The following EZH1 variants were observed in gnomAD, a reference collection of about 807,000 sequenced individuals.
The protein encoded by EZH1 is enhancer of zeste 1 polycomb repressive complex 2 subunit, also known as histone-lysine N-methyltransferase EZH1.
EZH1 carries 33 observed loss-of-function variants against 100.5 expected under a neutral mutation model. That is an observed-to-expected ratio of 0.33 (90% CI 0.25 to 0.44). The LOEUF is 0.44. Among genes scored for constraint, EZH1 ranks in the 20% least tolerant of loss-of-function variants. The probability of loss-of-function intolerance (pLI) is 1.00; values close to 1 mark genes in which losing one functional copy is unlikely to be tolerated. For missense variants in EZH1, 475 were observed against 928.4 expected (o/e 0.51, Z 6.35); for synonymous variants, 272 against 313.8 (o/e 0.87, Z 1.41).
At position 42,720,382 on chromosome 17, in the gene EZH1, C is replaced by G; in HGVS notation, c.555G>C (p.Gln185His). ...GCCCTTCCTCCTCCTCATCTGAGTA[C>G]TGATTCAGGGCATCGACCAACTCCA... ...VFLELVDALN[Q>H]YSDEEEEGHN... The change falls in exon 7 of 21, where the codon CAG becomes CAC. Residue 185 changes from glutamine (Q) to histidine (H), a missense_variant. By Grantham distance (24) the Gln-to-His change is conservative. Transcript: ENST00000428826. 6.2e-7 allele frequency: 1 copy of G among 1,614,106 alleles called. No homozygotes were observed. Among genetic ancestry groups the G allele is most frequent in the Non-Finnish European group, 8.5e-7 (1 of 1,180,018 alleles).
intron 7 of EZH1, 136 bp from the exon 8 acceptor site, chr17:42,719,343 T>C: frequency 1.5e-6 from 1 of 675,538 alleles, no homozygotes; most frequent in South Asian, 1.7e-5. Flanking sequence ...TGTTTGGAGA[T>C]ATATAAACAT....
At chr17:42,727,257 CT>C (rs563463128) in intron 4 of EZH1, among the ~76,000 whole-genome samples, 1 of 151,908 alleles carries the variant, frequency 6.6e-6, no homozygotes, top group Non-Finnish European at 1.5e-5. Context: ...CCTTTCTTTC[CT>C]TTTTCTTTTT....
rs139077313 is a variant in EZH1 at position 42,724,760 on chromosome 17, C to T, written c.247-336G>A. 222 of 167,232 alleles carry T rather than the reference C, an allele frequency of 1.3e-3. 2 individuals are homozygous for T. In the East Asian group the frequency reaches 0.03, roughly 22 times the overall value. The allele number at this position is 167,232 out of a possible 1,614,324, so 10.4% of individuals were successfully genotyped here. ...CTGCACTCCAGCCTGGGTGACAGAG[C>T]GAGACTCTGTCTCAAGAAAAAAAAG... On this transcript the variant is annotated intron_variant, in intron 4 of 20. Coordinates refer to ENST00000428826, the MANE Select transcript of EZH1 (RefSeq NM_001991.5).
intron 7 of EZH1, among the ~76,000 whole-genome samples, chr17:42,719,922 A>T (rs1283172584): frequency 1.3e-5 from 2 of 152,204 alleles, no homozygotes; most frequent in African/African-American, 4.8e-5. Context: ...TAGTATAATT[A>T]AACTATTAAA....
intron 13 of EZH1, 132 bp downstream of exon 13, chr17:42,709,714 G>T: frequency 1.3e-6 from 1 of 759,820 alleles, no homozygotes; most frequent in Non-Finnish European, 2.2e-6. Context: ...TCAGTCATGT[G>T]ATGCCAAGCT....
At chr17:42,713,433 C>G in intron 10 of EZH1, 44 bp from the exon 11 acceptor site, 1 of 1,537,296 alleles carries the variant, frequency 6.5e-7, no homozygotes, top group Non-Finnish European at 8.8e-7. Flanking sequence ...ACAGGCCCAT[C>G]ACCATATTGA....
chr17:42,724,517 G>A (rs2053779022), intron 4 of EZH1, 93 bp from the exon 5 acceptor site: 5 of 1,462,984 alleles, frequency 3.4e-6, no homozygotes, highest in Non-Finnish European at 4.7e-6. Flanking sequence ...GGGCATAGTG[G>A]CTCATGCCAG....
At chr17:42,736,110 G>A (rs975756174) in intron 1 of EZH1, among the ~76,000 whole-genome samples, 3 of 152,154 alleles carry the variant, frequency 2.0e-5, no homozygotes, top group African/African-American at 7.2e-5. Context: ...AATACAATGA[G>A]ATACTATTAA....
chr17:42,740,480 C>A (rs896585206), intron 1 of EZH1, among the ~76,000 whole-genome samples: 1 of 152,214 alleles, frequency 6.6e-6, no homozygotes, highest in Non-Finnish European at 1.5e-5. Flanking sequence ...TTGTGATCCA[C>A]CCGCTTCGGC....
intron 1 of EZH1, among the ~76,000 whole-genome samples, chr17:42,740,366 C>T (rs758912845): frequency 4.6e-5 from 7 of 151,598 alleles, no homozygotes; most frequent in Non-Finnish European, 7.4e-5. Context: ...CAGCCTCCCG[C>T]GTAGCTGGGA....
rs1051097730 is a variant in EZH1, at chr17:42,717,957, G to A, written c.1023+19C>T. 6.2e-7 allele frequency: 1 copy of A among 1,611,356 alleles called. No individual in the cohort carries two copies. The highest frequency in any genetic ancestry group is 1.7e-5 in the Admixed American group (1 of 60,008). On this transcript the variant is annotated intron_variant, in intron 10 of 20. Coordinates refer to ENST00000428826, the MANE Select transcript of EZH1 (RefSeq NM_001991.5). Reference sequence around the variant, plus strand: ...TCCCAGAATGAAGTTAATAATGCCAGAACAGCTTAAGAACATACCAGCAAA... The same window carrying A: ...TCCCAGAATGAAGTTAATAATGCCAAAACAGCTTAAGAACATACCAGCAAA...
intron 12 of EZH1, among the ~76,000 whole-genome samples, chr17:42,710,633 T>TG (rs1399391020): frequency 6.7e-6 from 1 of 150,006 alleles, no homozygotes; most frequent in East Asian, 1.9e-4. Flanking sequence ...TTGTTTGTTT[T>TG]TTTTTTTTTT....
chr17:42,701,838 A>G lies in EZH1; in HGVS notation c.*694T>C, dbSNP rs574017383. On this transcript the variant is annotated 3_prime_UTR_variant, in exon 21 of 21. Transcript: ENST00000428826. ...GCTTTCTCAAAGCCTCCTGGGCCCA[A>G]GCTTAGCAGTTTAACTACTATCATC... The G allele has an allele frequency of 3.3e-5, 5 of 152,492 alleles. No homozygotes were observed. The highest frequency in any genetic ancestry group is 2.0e-4 in the Admixed American group (3 of 15,302). The allele number at this position is 152,492 out of a possible 1,614,324, so 9.4% of individuals were successfully genotyped here.
chr17:42,722,738 A>G (rs1429008325), intron 6 of EZH1, 57 bp downstream of exon 6: 4 of 1,569,788 alleles, frequency 2.5e-6, no homozygotes, highest in Non-Finnish European at 2.6e-6. Context: ...ATGATGAGGT[A>G]CCAAAGAAGA....
chr17:42,720,670 A>T (rs796114236), intron 6 of EZH1, among the ~76,000 whole-genome samples: 9 of 139,008 alleles, frequency 6.5e-5, no homozygotes, highest in African/African-American at 2.2e-4. Context: ...TATTTTTATT[A>T]TTTTTTTTAG....
intron 1 of EZH1, among the ~76,000 whole-genome samples, chr17:42,742,717 T>G (rs1009428601): frequency 6.6e-6 from 1 of 152,214 alleles, no homozygotes; most frequent in South Asian, 2.1e-4. Context: ...GGTACATCAA[T>G]GAATAAAACA....
chr17:42,703,834 A>G lies in EZH1; in HGVS notation c.2018-14T>C, dbSNP rs138951576. The G allele has an allele frequency of 4.3e-4, 684 of 1,599,126 alleles. 2 individuals carry two copies. In the African/African-American group the frequency reaches 7.8e-3, roughly 18 times the overall value. Reference sequence around the variant, plus strand: ...CCACTACAAAATCTGTATAAAGTAAATCAAGGAAAACCATAAGCACAGCAG... The same window carrying G: ...CCACTACAAAATCTGTATAAAGTAAGTCAAGGAAAACCATAAGCACAGCAG... On this transcript the variant is annotated splice_polypyrimidine_tract_variant and intron_variant, in intron 18 of 20. Transcript: ENST00000428826.
chr17:42,729,846 T>TG (rs1487852355), intron 2 of EZH1, among the ~76,000 whole-genome samples: 1 of 151,926 alleles, frequency 6.6e-6, no homozygotes, highest in Non-Finnish European at 1.5e-5. Context: ...AAGACCAGCC[T>TG]GGCCAAGATG....
intron 10 of EZH1, among the ~76,000 whole-genome samples, chr17:42,713,594 A>C (rs12453215): frequency 6.6e-6 from 1 of 151,862 alleles, no homozygotes; most frequent in East Asian, 1.9e-4. Flanking sequence ...GTTGTCCTAT[A>C]ATGTTTTTTT....
Sources: allele counts gnomAD v4.1 joint callset (sites outside exome capture counted in the v4.1 genomes callset), GRCh38; gene constraint gnomAD v4.1.1; transcripts MANE v1.5; gene names NCBI Gene and HGNC (gene_info 2026-07-23, HGNC 2026-07-21).